Variants in SSBP2 observed in about 807,000 individuals in gnomAD.
SSBP2 encodes single-stranded DNA-binding protein 2.
Under a neutral mutation model 61.8 loss-of-function variants are expected in SSBP2, and 17 were observed. The ratio of observed to expected loss-of-function variants is 0.28; its 90% CI spans 0.19 to 0.41. SSBP2 has a LOEUF of 0.41. Among genes scored for constraint, SSBP2 ranks in the 10% least tolerant of loss-of-function variants. The pLI is 1.00. For missense variants in SSBP2, 310 were observed against 458.7 expected, an observed-to-expected ratio of 0.68 and a Z score of 2.96; for synonymous variants, 139 against 141.3, an observed-to-expected ratio of 0.98 and a Z score of 0.12.
intron 6 of SSBP2, among the ~76,000 whole-genome samples, chr5:81,476,488 C>T (rs1765605009): frequency 6.6e-6 from 1 of 152,106 alleles, no homozygotes; most frequent in South Asian, 2.1e-4. Flanking sequence ...AATTCTACAG[C>T]ATGGTGTCTG....
chr5:81,673,438 G>A (rs1751734648), intron 1 of SSBP2, among the ~76,000 whole-genome samples: 1 of 152,036 alleles, frequency 6.6e-6, no homozygotes, highest in South Asian at 2.1e-4. Flanking sequence ...AAAATCCTGT[G>A]CTTGAATCAA....
chr5:81,532,845 A>G (rs527782331), intron 4 of SSBP2, among the ~76,000 whole-genome samples: 42 of 152,100 alleles, frequency 2.8e-4, no homozygotes, highest in African/African-American at 9.9e-4. Flanking sequence ...TGACAAAACA[A>G]TATTAAATGT....
intron 4 of SSBP2, among the ~76,000 whole-genome samples, chr5:81,565,439 GT>G (rs1358143141): frequency 4.6e-5 from 7 of 151,978 alleles, no homozygotes; most frequent in Admixed American, 4.6e-4. Context: ...AGATCAAAAG[GT>G]AAGTTTTAAA....
At chr5:81,636,944 T>C (rs1748295576) in intron 2 of SSBP2, among the ~76,000 whole-genome samples, 1 of 152,190 alleles carries the variant, frequency 6.6e-6, no homozygotes, top group Non-Finnish European at 1.5e-5. Context: ...TGTCCTTCAT[T>C]AAATGGCTTC....
chr5:81,468,141 C>T (rs756810727), intron 8 of SSBP2, among the ~76,000 whole-genome samples: 6 of 152,020 alleles, frequency 3.9e-5, no homozygotes, highest in Non-Finnish European at 5.9e-5. Context: ...TTCCTCGTCA[C>T]TTCTGTGCTA....
chr5:81,638,673 T>G (rs1748493399), intron 2 of SSBP2, among the ~76,000 whole-genome samples: 1 of 152,128 alleles, frequency 6.6e-6, no homozygotes, highest in African/African-American at 2.4e-5. Context: ...TCCAGTGATA[T>G]TCTATATAAA....
chr5:81,739,620 A>G (rs1345973921), intron 1 of SSBP2, among the ~76,000 whole-genome samples: 2 of 152,234 alleles, frequency 1.3e-5, no homozygotes, highest in African/African-American at 2.4e-5. Flanking sequence ...GGCTCAACAG[A>G]GGCTGACATA....
At chr5:81,635,964 G>A (rs1748186280) in intron 3 of SSBP2, among the ~76,000 whole-genome samples, 1 of 152,194 alleles carries the variant, frequency 6.6e-6, no homozygotes, top group African/African-American at 2.4e-5. Context: ...GAAATGAAGG[G>A]TTGAGTTTTT....
At chr5:81,560,777 T>C (rs561563330) in intron 4 of SSBP2, among the ~76,000 whole-genome samples, 1 of 152,338 alleles carries the variant, frequency 6.6e-6, no homozygotes, top group Admixed American at 6.5e-5. Flanking sequence ...AAACATTGTA[T>C]ATATTTAAGG....
chr5:81,725,193 GAA>G, intron 1 of SSBP2, among the ~76,000 whole-genome samples: 1 of 152,084 alleles, frequency 6.6e-6, no homozygotes, highest in Admixed American at 6.6e-5. Flanking sequence ...TGAATAAGGG[GAA>G]AGAGTTTTTT....
chr5:81,552,645 A>AAG (rs1351614356), intron 4 of SSBP2, among the ~76,000 whole-genome samples: 2 of 151,980 alleles, frequency 1.3e-5, no homozygotes, highest in African/African-American at 4.8e-5. Flanking sequence ...CTCTTAAAAA[A>AAG]AAAAAAGAAA....
At chr5:81,694,584 T>C (rs957917358) in intron 1 of SSBP2, among the ~76,000 whole-genome samples, 5 of 152,184 alleles carry the variant, frequency 3.3e-5, no homozygotes, top group African/African-American at 1.2e-4. Flanking sequence ...TATTTCAATT[T>C]TTAAAAAGCC....
chr5:81,667,740 T>C (rs976807182), intron 1 of SSBP2, among the ~76,000 whole-genome samples: 4 of 152,154 alleles, frequency 2.6e-5, no homozygotes, highest in Non-Finnish European at 5.9e-5. Flanking sequence ...TTGTATTGAA[T>C]TGTTACCTCT....
chr5:81,692,398 G>T (rs186708738), intron 1 of SSBP2, among the ~76,000 whole-genome samples: 178 of 152,232 alleles, frequency 1.2e-3, no homozygotes, highest in Admixed American at 3.8e-3. Flanking sequence ...TGATGAATTG[G>T]AAGAATCAAT....
intron 1 of SSBP2, among the ~76,000 whole-genome samples, chr5:81,697,710 T>C (rs1042027131): frequency 6.6e-6 from 1 of 152,170 alleles, no homozygotes; most frequent in African/African-American, 2.4e-5. Context: ...CTCTGCTATC[T>C]AATTTTCTGG....
chr5:81,669,760 A>G (rs1258989306), intron 1 of SSBP2, among the ~76,000 whole-genome samples: 2 of 152,022 alleles, frequency 1.3e-5, no homozygotes, highest in African/African-American at 4.8e-5. Context: ...CACGTTCTGC[A>G]CATGTATCCC....
intron 16 of SSBP2, among the ~76,000 whole-genome samples, chr5:81,425,657 C>T (rs1168256562): frequency 6.6e-6 from 1 of 151,784 alleles, no homozygotes; most frequent in Non-Finnish European, 1.5e-5. Context: ...CCAAAACAAA[C>T]ATTTTACAGT....
chr5:81,502,652 A>G (rs1455021050), intron 5 of SSBP2, among the ~76,000 whole-genome samples: 2 of 152,180 alleles, frequency 1.3e-5, no homozygotes, highest in Admixed American at 6.5e-5. Context: ...TGATAATTCC[A>G]TCTCACACCT....
intron 1 of SSBP2, among the ~76,000 whole-genome samples, chr5:81,717,235 G>A (rs895147439): frequency 6.6e-6 from 1 of 152,094 alleles, no homozygotes; most frequent in African/African-American, 2.4e-5. Context: ...TCACCCTCCA[G>A]GACAAAGAGC....
Sources: gnomAD v4.1 joint callset for allele counts (sites outside exome capture counted in the v4.1 genomes callset) on GRCh38, gnomAD v4.1.1 for gene constraint, MANE v1.5 for transcripts, NCBI Gene and HGNC (gene_info 2026-07-23, HGNC 2026-07-21) for gene names.